Variants in IFT74 observed in about 807,000 individuals in gnomAD.
The protein encoded by IFT74 is intraflagellar transport protein 74 homolog.
A neutral mutation model predicts 96.7 loss-of-function variants in IFT74; 92 were observed. The ratio of observed to expected loss-of-function variants is 0.95; its 90% CI spans 0.80 to 1.13. The LOEUF (loss-of-function observed/expected upper bound fraction) is 1.13, where lower values mean the gene tolerates loss of function less well. IFT74 is among the 50% of genes most tolerant of loss of function. The pLI is 0.00. For synonymous variants in IFT74, 223 were observed against 213.2 expected (o/e 1.05, Z -0.40); for missense variants, 811 against 698.2 (o/e 1.16, Z -1.82).
At chr9:26,963,829 G>C (rs1010662833) in intron 2 of IFT74, among the ~76,000 whole-genome samples, 2 of 152,024 alleles carry the variant, frequency 1.3e-5, no homozygotes, top group African/African-American at 4.8e-5. Flanking sequence ...TTGTAAATTT[G>C]TTGGAGTTCA....
In IFT74 at chr9:27,062,813, A is replaced by AG. The variant is rs1414167728; in HGVS notation, c.*77_*78insG. The AG allele has an allele frequency of 1.3e-6, 1 of 786,786 alleles. No homozygotes were observed. The highest frequency in any genetic ancestry group is 2.1e-6 in the Non-Finnish European group (1 of 480,776). The allele number at this position is 786,786 out of a possible 1,614,324, so 48.7% of individuals were successfully genotyped here. A position where few individuals can be genotyped will look rare whatever the true frequency, so the allele number is the denominator to read the frequency against. On this transcript the variant is annotated 3_prime_UTR_variant, in exon 20 of 20. Transcript: ENST00000380062. ...GGTACAAGTTGACTACCAAAAAAAA[A>AG]AAAAGCTTACTTTTGGAGTTTACCT...
rs536908497 is a variant in IFT74, at chr9:27,064,952, T to C, written c.*2216T>C. On this transcript the variant is annotated 3_prime_UTR_variant, in exon 20 of 20. Transcript: ENST00000380062. Reference sequence around the variant, plus strand: ...ACTTAGAAATGCAATAAAATTCAAATAAAGTACTATATGCAGTTACTACTT... The same window carrying C: ...ACTTAGAAATGCAATAAAATTCAAACAAAGTACTATATGCAGTTACTACTT... Among the ~76,000 whole-genome samples the C allele has an allele frequency of 2.2e-4, 33 of 152,266 alleles. No individual in the cohort carries two copies. In the East Asian group the frequency reaches 6.0e-3, roughly 28 times the overall value.
At chr9:27,057,172 G>C (rs373971286) in intron 18 of IFT74, among the ~76,000 whole-genome samples, 8 of 152,050 alleles carry the variant, frequency 5.3e-5, no homozygotes, top group African/African-American at 1.9e-4. Context: ...TAAAACCATT[G>C]AAATAATGCT....
intron 12 of IFT74, among the ~76,000 whole-genome samples, chr9:27,027,194 A>T (rs1421144676): frequency 6.6e-6 from 1 of 152,182 alleles, no homozygotes; most frequent in Non-Finnish European, 1.5e-5. Flanking sequence ...GCACCTTTAC[A>T]CGCACAAACT....
At chr9:26,991,145 G>A (rs1186670172) in intron 8 of IFT74, among the ~76,000 whole-genome samples, 3 of 152,144 alleles carry the variant, frequency 2.0e-5, no homozygotes, top group Admixed American at 2.0e-4. Context: ...GTAAATATTT[G>A]ATGATGGATA....
At chr9:27,022,564 C>A (rs941042346) in intron 12 of IFT74, among the ~76,000 whole-genome samples, 2 of 151,912 alleles carry the variant, frequency 1.3e-5, no homozygotes, top group Non-Finnish European at 2.9e-5. Context: ...TAGGCATATT[C>A]CCAAGTATTG....
At chr9:27,011,183 C>A (rs900542587) in intron 9 of IFT74, among the ~76,000 whole-genome samples, 1 of 151,972 alleles carries the variant, frequency 6.6e-6, no homozygotes, top group Non-Finnish European at 1.5e-5. Context: ...TCCCGGGAGG[C>A]GGAGGTTGCA....
intron 2 of IFT74, among the ~76,000 whole-genome samples, chr9:26,977,274 C>A (rs979673257): frequency 3.9e-5 from 6 of 152,142 alleles, no homozygotes; most frequent in Middle Eastern, 3.4e-3. Flanking sequence ...CCACCATGCC[C>A]AAACTTCCAG....
intron 18 of IFT74, 126 bp downstream of exon 18, chr9:27,056,585 A>G (rs766956252): frequency 1.4e-6 from 1 of 724,862 alleles, no homozygotes; most frequent in Non-Finnish European, 2.2e-6. Flanking sequence ...AGACAGCCAG[A>G]TTCTGTACAG....
intron 9 of IFT74, among the ~76,000 whole-genome samples, chr9:27,011,538 TAAAC>T (rs1045539945): frequency 2.6e-5 from 4 of 152,046 alleles, no homozygotes; most frequent in African/African-American, 4.8e-5. Context: ...ATAATAATCT[TAAAC>T]AATGACATAA....
rs10812505 is a variant in IFT74, at chr9:26,978,172, A to G, written c.165A>G (p.Ile55Met). 0.067 allele frequency: 108,610 copies of G among 1,612,016 alleles called. 10,287 individuals are homozygous for G. Among genetic ancestry groups the G allele is most frequent in the East Asian group, 0.54 (24,006 of 44,652 alleles). The change falls in exon 3 of 20, where the codon ATA (isoleucine) becomes ATG (methionine). Residue 55 changes from isoleucine (I) to methionine (M), a missense_variant. Physicochemically the swap from Ile to Met is conservative, Grantham distance 10. Coordinates refer to ENST00000380062, the MANE Select transcript of IFT74 (RefSeq NM_025103.4). Reference protein sequence around the residue: ...TARPGSRGCPIGTGGVLSSQI... With the variant: ...TARPGSRGCPMGTGGVLSSQI... Reference sequence around the variant, plus strand: ...GACCAGGTTCTCGTGGTTGTCCCATAGGGACTGGTGGAGTTCTGTCTTCTC... The same window carrying G: ...GACCAGGTTCTCGTGGTTGTCCCATGGGGACTGGTGGAGTTCTGTCTTCTC...
intron 8 of IFT74, chr9:26,998,234 T>C: frequency 2.1e-6 from 3 of 1,453,114 alleles, no homozygotes; most frequent in Non-Finnish European, 2.8e-6. Flanking sequence ...AAAATTACAT[T>C]GGACTTCCTA....
chr9:26,973,372 AC>A (rs1356690211), intron 2 of IFT74, among the ~76,000 whole-genome samples: 3 of 152,160 alleles, frequency 2.0e-5, no homozygotes, highest in Non-Finnish European at 4.4e-5. Context: ...ACTCTCAATT[AC>A]AGGCTTTAAC....
Position 27,009,074 on chromosome 9 carries a change from A to C in IFT74, c.642A>C (p.Ala214=), listed in dbSNP as rs1828927254. 8.1e-6 allele frequency: 13 copies of C among 1,613,206 alleles called. No homozygotes were observed. Among genetic ancestry groups the C allele is most frequent in the Non-Finnish European group, 1.1e-5 (13 of 1,179,318 alleles). The change falls in exon 9 of 20, where the codon GCA becomes GCC. Residue 214 remains alanine, a synonymous_variant. Transcript: ENST00000380062. ...VEEEIEQEKQ[A]TDDIIKNMSF... is the part of the protein sequence containing the mutation. The stretch of plus-strand genomic sequence containing the variant: ...AAGAAATTGAACAGGAAAAACAAGC[A>C]ACAGATGACATTATCAAAAATATGT...
chr9:27,030,023 G>A (rs1041318188), intron 13 of IFT74, among the ~76,000 whole-genome samples: 3 of 152,006 alleles, frequency 2.0e-5, no homozygotes, highest in Non-Finnish European at 2.9e-5. Context: ...TGTGGTGGGG[G>A]TTTGGGTGTG....
chr9:26,988,830 A>C, intron 7 of IFT74, 102 bp downstream of exon 7: 1 of 1,074,970 alleles, frequency 9.3e-7, no homozygotes, highest in South Asian at 1.9e-5. Flanking sequence ...AGTGCTATAG[A>C]GGTGAATATT....
At position 27,012,299 on chromosome 9, in the gene IFT74, TG is replaced by T. The variant is rs143905879; in HGVS notation, c.789+332del. On this transcript the variant is annotated intron_variant, in intron 10 of 19. Coordinates refer to ENST00000380062, the MANE Select transcript of IFT74 (RefSeq NM_025103.4). ...GTGCGGTGACATGATCGTAGCTCAC[TG>T]TAAATTCAAGCTCCTGGGCTCAAGC... 3.9e-3 allele frequency among the ~76,000 whole-genome samples: 591 copies of T among 152,310 alleles called. 1 individual carries two copies. Among genetic ancestry groups the T allele is most frequent in the African/African-American group, 0.013 (547 of 41,564 alleles).
intron 2 of IFT74, among the ~76,000 whole-genome samples, chr9:26,963,865 C>T (rs1489919320): frequency 1.3e-5 from 2 of 151,994 alleles, no homozygotes; most frequent in East Asian, 3.8e-4. Flanking sequence ...GGATATTAGC[C>T]CTTTGTCAGA....
chr9:27,010,490 T>G (rs990823519), intron 9 of IFT74, among the ~76,000 whole-genome samples: 8 of 146,344 alleles, frequency 5.5e-5, no homozygotes, highest in Middle Eastern at 3.2e-3. Flanking sequence ...TTTTTGTTTT[T>G]TTTTTTTTGT....
Sources: gnomAD v4.1 joint callset for allele counts (sites outside exome capture counted in the v4.1 genomes callset) on GRCh38, gnomAD v4.1.1 for gene constraint, MANE v1.5 for transcripts, NCBI Gene and HGNC (gene_info 2026-07-23, HGNC 2026-07-21) for gene names.